The following PCDHGB6 variants were observed in gnomAD, a reference collection of about 807,000 sequenced individuals.
The protein encoded by PCDHGB6 is protocadherin gamma-B6.
In PCDHGB6, 51 loss-of-function variants were observed where a neutral mutation model predicts 59.1. That is an observed-to-expected ratio of 0.86 (90% CI 0.69 to 1.09). The LOEUF is 1.09. Ranked by LOEUF, PCDHGB6 falls within the 50% of genes least tolerant of loss-of-function variation. The pLI, the probability that PCDHGB6 is intolerant of heterozygous loss-of-function variation, is 0.00. For synonymous variants in PCDHGB6, 466 were observed against 495.1 expected (o/e 0.94, Z 0.78); for missense variants, 1,148 against 1,205.1 (o/e 0.95, Z 0.70).
intron 2 of PCDHGB6, among the ~76,000 whole-genome samples, chr5:141,498,024 A>G (rs1455238086): frequency 6.6e-6 from 1 of 152,200 alleles, no homozygotes; most frequent in East Asian, 1.9e-4. Flanking sequence ...GGAGACAAAT[A>G]TTGACCAAAT....
In PCDHGB6 at chr5:141,505,419, C is replaced by T; in HGVS notation, c.2504C>T (p.Thr835Ile). 3 of 1,614,258 alleles carry T rather than the reference C, an allele frequency of 1.9e-6. No homozygotes were observed. Among genetic ancestry groups the T allele is most frequent in the Non-Finnish European group, 2.5e-6 (3 of 1,180,054 alleles). Residue 835 changes from threonine to isoleucine, a missense_variant, in exon 3 of 4, where the codon ACC becomes ATC. By Grantham distance (89) the Thr-to-Ile change is moderately conservative. Around this residue, in one of 5 missense-constraint regions of PCDHGB6, gnomAD observed 283 missense variants for 318.6 expected, o/e 0.89. Transcript: ENST00000520790. The part of the protein sequence containing the change: ...SGSQNGDDTG[T>I]WPNNQFDTEM... ...TCCCAAAATGGCGATGACACCGGCA[C>T]CTGGCCCAACAACCAGTTTGACACA...
At position 141,408,263 on chromosome 5, in the gene PCDHGB6, C is replaced by G; in HGVS notation, c.61C>G (p.Leu21Val). 1 of 1,606,854 alleles carries G rather than the reference C, an allele frequency of 6.2e-7. No individual in the cohort carries two copies. ...AGPRQVLFPL[L>V]LPLFYPTLSE... is the part of the protein sequence containing the mutation. ...CCCGCGGCAGGTGCTATTTCCTTTGCTGCTGCCTTTGTTCTACCCCACCCT... is the reference window on the plus strand; with the variant it reads ...CCCGCGGCAGGTGCTATTTCCTTTGGTGCTGCCTTTGTTCTACCCCACCCT... The change falls in exon 1 of 4, where the codon CTG (leucine) becomes GTG (valine). Residue 21 changes from leucine (L) to valine (V), a missense_variant. This residue lies in a region of PCDHGB6 where 307 missense variants were observed against 323.8 expected (regional missense o/e 0.95). Coordinates refer to ENST00000520790, the MANE Select transcript of PCDHGB6 (RefSeq NM_018926.3).
At chr5:141,422,791 G>T (rs2096673253) in intron 1 of PCDHGB6, 2 of 1,614,020 alleles carry the variant, frequency 1.2e-6, no homozygotes, top group South Asian at 1.1e-5. Context: ...ACAATCCTTC[G>T]ACTATGAGCA....
intron 1 of PCDHGB6, chr5:141,478,531 C>A (rs771145308): frequency 8.1e-6 from 13 of 1,608,072 alleles, no homozygotes; most frequent in Admixed American, 5.1e-5. Context: ...GTGCAGAGAG[C>A]GCCCCTCCCG....
intron 3 of PCDHGB6, among the ~76,000 whole-genome samples, chr5:141,510,230 G>A (rs1285202719): frequency 2.7e-5 from 4 of 149,638 alleles, no homozygotes; most frequent in Non-Finnish European, 5.9e-5. Context: ...CCGGGATCGC[G>A]CCACTGCACT....
chr5:141,427,711 A>G, intron 1 of PCDHGB6: 1 of 1,036,496 alleles, frequency 9.6e-7, no homozygotes. Context: ...AGCGCCTCTG[A>G]CCTGGACCTA....
At chr5:141,440,155 A>C (rs1250255277) in intron 1 of PCDHGB6, 1 of 152,238 alleles carries the variant, frequency 6.6e-6, no homozygotes, top group Non-Finnish European at 1.5e-5. Flanking sequence ...CCCCAATTAT[A>C]GCTTGGGCCA....
chr5:141,494,185 GAC>G (rs2099752607), intron 1 of PCDHGB6, among the ~76,000 whole-genome samples: 1 of 152,154 alleles, frequency 6.6e-6, no homozygotes, highest in Non-Finnish European at 1.5e-5. Context: ...AGTGTCCCGG[GAC>G]TTGGATGCCC....
At chr5:141,474,912 C>T (rs1018411233) in intron 1 of PCDHGB6, among the ~76,000 whole-genome samples, 6 of 152,214 alleles carry the variant, frequency 3.9e-5, no homozygotes, top group African/African-American at 1.2e-4. Flanking sequence ...CAAGGATATA[C>T]ATCTCATCTC....
chr5:141,431,907 T>A lies in PCDHGB6; in HGVS notation c.2418+21287T>A, dbSNP rs2097427946. 2 of 1,613,964 alleles carry A rather than the reference T, an allele frequency of 1.2e-6. No homozygotes were observed. Among genetic ancestry groups the A allele is most frequent in the South Asian group, 2.2e-5 (2 of 91,086 alleles). Reference sequence around the variant, plus strand: ...GATTCTGAGGAAAACGGACAGGTGATCTGTTTCATCCAAGGAAATCTGCCC... The same window carrying A: ...GATTCTGAGGAAAACGGACAGGTGAACTGTTTCATCCAAGGAAATCTGCCC... On this transcript the variant is annotated intron_variant, in intron 1 of 3. Transcript: ENST00000520790. This position sits in a 1 kb window ranked among gnomAD's most constrained non-coding sequence, Gnocchi z 4.8.
At chr5:141,464,137 C>T (rs1015442185) in intron 1 of PCDHGB6, among the ~76,000 whole-genome samples, 9 of 151,928 alleles carry the variant, frequency 5.9e-5, no homozygotes, top group Non-Finnish European at 7.4e-5. Context: ...TGGTGGTGGG[C>T]GCCTGTAGTC....
At chr5:141,444,152 A>ATTTTT (rs747671382) in intron 1 of PCDHGB6, among the ~76,000 whole-genome samples, 10 of 33,898 alleles carry the variant, frequency 3.0e-4, no homozygotes, top group Middle Eastern at 0.019. Context: ...TGTGTACTGG[A>ATTTTT]TTTTTTTTTT....
At chr5:141,500,469 AAAG>A (rs1479386829) in intron 2 of PCDHGB6, among the ~76,000 whole-genome samples, 1 of 152,052 alleles carries the variant, frequency 6.6e-6, no homozygotes, top group Non-Finnish European at 1.5e-5. Context: ...TCGGCCTCCC[AAAG>A]TGCTGGGATT....
At chr5:141,479,189 G>A (rs1466742057) in intron 1 of PCDHGB6, 3 of 152,358 alleles carry the variant, frequency 2.0e-5, no homozygotes, top group African/African-American at 7.2e-5. Flanking sequence ...AGAAAATTCA[G>A]AAAATACAGA....
rs1310685846 is a variant in PCDHGB6, at chr5:141,423,037, T to C, written c.2418+12417T>C. ...GGACAAAGATTCAGGCCAGAACGCCTGGCTGTCCTATCGCCTGCTTAAGGC... is the reference window on the plus strand; with the variant it reads ...GGACAAAGATTCAGGCCAGAACGCCCGGCTGTCCTATCGCCTGCTTAAGGC... On this transcript the variant is annotated intron_variant, in intron 1 of 3. Transcript: ENST00000520790. 5 of 1,614,086 alleles carry C rather than the reference T, an allele frequency of 3.1e-6. No homozygotes were observed. In the African/African-American group the frequency reaches 5.3e-5, roughly 17 times the overall value.
intron 1 of PCDHGB6, among the ~76,000 whole-genome samples, chr5:141,472,136 A>T (rs1172420221): frequency 1.1e-4 from 17 of 152,262 alleles, no homozygotes; most frequent in Non-Finnish European, 2.5e-4. Flanking sequence ...AGTTAAAAAT[A>T]AAAGTTTCAT....
chr5:141,410,473 A>G lies in PCDHGB6; in HGVS notation c.2271A>G (p.Ala757=), dbSNP rs1347318074. 6.2e-7 allele frequency: 1 copy of G among 1,614,028 alleles called. No individual in the cohort carries two copies. Among genetic ancestry groups the G allele is most frequent in the East Asian group, 2.2e-5 (1 of 44,876 alleles). Residue 757 remains alanine, a synonymous_variant, in exon 1 of 4, where the codon GCA becomes GCG. Transcript: ENST00000520790. ...CTTATTCTTATAATCTGTGCATTGC[A>G]CATACGGGTACAAAAGAGTTTAATT... is the stretch of plus-strand genomic sequence containing the variant. ...TLPYSYNLCI[A]HTGTKEFNFL...
chr5:141,451,001 A>G (rs909477017), intron 1 of PCDHGB6, among the ~76,000 whole-genome samples: 1 of 148,266 alleles, frequency 6.7e-6, no homozygotes, highest in African/African-American at 2.5e-5. Context: ...ATTTTTTTGT[A>G]TTTTTTTTAG....
intron 1 of PCDHGB6, chr5:141,413,055 C>G: frequency 9.8e-7 from 1 of 1,019,544 alleles, no homozygotes; most frequent in Non-Finnish European, 1.4e-6. Flanking sequence ...GGGAAGCTCA[C>G]TCCAGAATTT....
Sources: allele counts gnomAD v4.1 joint callset (sites outside exome capture counted in the v4.1 genomes callset), GRCh38; gene constraint gnomAD v4.1.1; regional missense constraint gnomAD v4.1.1; non-coding constraint Gnocchi (gnomAD v3.1); transcripts MANE v1.5; gene names NCBI Gene and HGNC (gene_info 2026-07-23, HGNC 2026-07-21).